The following CREB5 variants were observed in gnomAD, a reference collection of about 807,000 sequenced individuals.
CREB5 encodes the protein cAMP responsive element binding protein 5.
In CREB5, 19 loss-of-function variants were observed where a neutral mutation model predicts 57.1. That is an observed-to-expected ratio of 0.33 (90% CI 0.23 to 0.49). CREB5 has a LOEUF of 0.49. CREB5 is among the 20% of genes least tolerant of loss of function. CREB5 has a pLI of 0.99. For missense variants in CREB5, 579 were observed against 671.6 expected, an observed-to-expected ratio of 0.86 and a Z score of 1.52; for synonymous variants, 238 against 238.3, an observed-to-expected ratio of 1.00 and a Z score of 0.01.
intron 5 of CREB5, among the ~76,000 whole-genome samples, chr7:28,613,925 GTTA>G (rs1797499931): frequency 6.6e-6 from 1 of 152,108 alleles, no homozygotes; most frequent in Non-Finnish European, 1.5e-5. Context: ...TGTCTTAGAT[GTTA>G]TTTGAATGAC....
intron 4 of CREB5, among the ~76,000 whole-genome samples, chr7:28,531,718 G>A (rs959754683): frequency 3.3e-5 from 5 of 152,104 alleles, no homozygotes; most frequent in African/African-American, 9.7e-5. Context: ...AACAGAGAGG[G>A]GTATGGAGAC....
chr7:28,530,918 G>T (rs1475309740), intron 4 of CREB5, among the ~76,000 whole-genome samples: 1 of 152,210 alleles, frequency 6.6e-6, no homozygotes, highest in Non-Finnish European at 1.5e-5. Context: ...ATGAGCTTAG[G>T]AAAAACCTTG....
chr7:28,450,694 A>G (rs1203887049), intron 1 of CREB5, among the ~76,000 whole-genome samples: 1 of 152,206 alleles, frequency 6.6e-6, no homozygotes, highest in Non-Finnish European at 1.5e-5. Flanking sequence ...GAGAAGAGAA[A>G]CACAGGGTGG....
chr7:28,337,642 T>C (rs1785852049), intron 1 of CREB5, among the ~76,000 whole-genome samples: 1 of 152,110 alleles, frequency 6.6e-6, no homozygotes, highest in Non-Finnish European at 1.5e-5. Flanking sequence ...TGTTTGTTTT[T>C]TAATCCAGTT....
In CREB5 at chr7:28,823,501, T is replaced by G. The variant is rs2128812019; in HGVS notation, c.*4222T>G. The stretch of plus-strand genomic sequence containing the variant: ...ATTCTCCATCATTTGGTGGAAATGT[T>G]TGCTTAGATCTCTGTGCATAGACAT... On this transcript the variant is annotated 3_prime_UTR_variant, in exon 11 of 11. Transcript: ENST00000357727. 6.5e-6 allele frequency: 1 copy of G among 152,778 alleles called. No homozygotes were observed. The highest frequency in any genetic ancestry group is 2.4e-5 in the African/African-American group (1 of 41,574). The allele number at this position is 152,778 out of a possible 1,614,324, so 9.5% of individuals were successfully genotyped here.
At chr7:28,415,120 T>A (rs1787974881) in intron 1 of CREB5, among the ~76,000 whole-genome samples, 1 of 152,172 alleles carries the variant, frequency 6.6e-6, no homozygotes, top group South Asian at 2.1e-4. Flanking sequence ...GATTTTAGGA[T>A]TTCAATCCTT....
At chr7:28,545,118 C>T (rs1348380958) in intron 4 of CREB5, among the ~76,000 whole-genome samples, 3 of 152,160 alleles carry the variant, frequency 2.0e-5, no homozygotes, top group Non-Finnish European at 4.4e-5. Context: ...GCCCTGGAGA[C>T]AGCCCTCTTC....
chr7:28,576,646 T>A (rs1795920584), intron 5 of CREB5, among the ~76,000 whole-genome samples: 1 of 152,222 alleles, frequency 6.6e-6, no homozygotes, highest in South Asian at 2.1e-4. Flanking sequence ...TGGCCCTGTC[T>A]CCAACATTTG....
intron 1 of CREB5, among the ~76,000 whole-genome samples, chr7:28,482,557 C>A (rs1287613168): frequency 6.6e-6 from 1 of 152,164 alleles, no homozygotes; most frequent in Non-Finnish European, 1.5e-5. Context: ...TCAGGAAGGT[C>A]CAGTTTCCTC....
intron 5 of CREB5, among the ~76,000 whole-genome samples, chr7:28,620,474 A>C (rs1273020321): frequency 6.6e-6 from 1 of 152,210 alleles, no homozygotes; most frequent in African/African-American, 2.4e-5. Flanking sequence ...CAGCATCTCC[A>C]GATCTTCACG....
intron 1 of CREB5, among the ~76,000 whole-genome samples, chr7:28,437,559 G>C (rs553602488): frequency 6.6e-6 from 1 of 152,222 alleles, no homozygotes; most frequent in African/African-American, 2.4e-5. Flanking sequence ...ATTTTAGTGA[G>C]TGCCTATAAA....
At chr7:28,555,655 T>C (rs1421437451) in intron 4 of CREB5, among the ~76,000 whole-genome samples, 2 of 152,096 alleles carry the variant, frequency 1.3e-5, no homozygotes, top group Non-Finnish European at 2.9e-5. Flanking sequence ...ACAAAACAGA[T>C]CTTAGAGCAA....
chr7:28,425,789 C>T (rs972910205), intron 1 of CREB5, among the ~76,000 whole-genome samples: 15 of 152,184 alleles, frequency 9.9e-5, no homozygotes, highest in Non-Finnish European at 2.9e-5. Flanking sequence ...CTCCAGCTTG[C>T]ACCTCTCTCC....
chr7:28,437,289 A>T (rs1788999796), intron 1 of CREB5, among the ~76,000 whole-genome samples: 1 of 152,166 alleles, frequency 6.6e-6, no homozygotes, highest in Non-Finnish European at 1.5e-5. Flanking sequence ...GAGGAAACTG[A>T]GGTTTAGAGA....
chr7:28,387,786 T>A (rs982267776), intron 1 of CREB5, among the ~76,000 whole-genome samples: 19 of 152,126 alleles, frequency 1.2e-4, no homozygotes, highest in African/African-American at 3.4e-4. Context: ...ATCCTGCACA[T>A]GGACCCCTGA....
At chr7:28,618,534 C>T (rs1394601225) in intron 5 of CREB5, among the ~76,000 whole-genome samples, 1 of 152,170 alleles carries the variant, frequency 6.6e-6, no homozygotes, top group Non-Finnish European at 1.5e-5. Context: ...AACAGTTGTC[C>T]CACTTTTCAG....
intron 5 of CREB5, among the ~76,000 whole-genome samples, chr7:28,688,617 T>C (rs1370668160): frequency 6.6e-6 from 1 of 152,196 alleles, no homozygotes; most frequent in Non-Finnish European, 1.5e-5. Context: ...TCCAGGGTAG[T>C]AGCCTTATTA....
intron 5 of CREB5, among the ~76,000 whole-genome samples, chr7:28,680,361 A>G (rs1475482447): frequency 1.3e-5 from 2 of 152,090 alleles, no homozygotes; most frequent in Admixed American, 1.3e-4. Flanking sequence ...ATCAGCTACT[A>G]TGCCTTGTCT....
At chr7:28,576,039 G>C (rs959142657) in intron 5 of CREB5, among the ~76,000 whole-genome samples, 1 of 152,198 alleles carries the variant, frequency 6.6e-6, no homozygotes, top group Non-Finnish European at 1.5e-5. Context: ...AAATGGCTGG[G>C]TATTCTGAGA....
Sources: gnomAD v4.1 joint callset for allele counts (sites outside exome capture counted in the v4.1 genomes callset) on GRCh38, gnomAD v4.1.1 for gene constraint, MANE v1.5 for transcripts, NCBI Gene and HGNC (gene_info 2026-07-23, HGNC 2026-07-21) for gene names.